PRPS1: variants seen among roughly 807,000 people sequenced by gnomAD.
PRPS1 encodes ribose-phosphate pyrophosphokinase 1.
In PRPS1, 1 loss-of-function variant was observed where a neutral mutation model predicts 16.9. The ratio of observed to expected loss-of-function variants is 0.06; its 90% CI spans 0.02 to 0.28. The LOEUF is 0.28. Ranked by LOEUF, PRPS1 falls within the 10% of genes least tolerant of loss-of-function variation. The pLI is 1.00. For synonymous variants in PRPS1, 70 were observed against 90.2 expected, an observed-to-expected ratio of 0.78 and a Z score of 1.27; for missense variants, 47 against 254.0, an observed-to-expected ratio of 0.19 and a Z score of 5.54.
chrX:107,639,235 G>A lies in PRPS1; in HGVS notation c.123-60G>A, dbSNP rs1440077535. The A allele has an allele frequency of 4.3e-6, 5 of 1,150,524 alleles. No individual in the cohort carries two copies. In the East Asian group the frequency reaches 1.5e-4, roughly 34 times the overall value. The allele number at this position is 1,150,524 out of a possible 1,213,427, so 94.8% of individuals were successfully genotyped here. On this transcript the variant is annotated intron_variant, in intron 1 of 6. Coordinates refer to ENST00000372435, the MANE Select transcript of PRPS1 (RefSeq NM_002764.4). The stretch of plus-strand genomic sequence containing the variant: ...CCATAGATGTGGAACCTATGGATAT[G>A]GAGGGCTGACAGTACAGTGGTTTAA...
Position 107,650,588 on chromosome X carries a change from G to A in PRPS1, c.*556G>A. 3.2e-6 allele frequency: 1 copy of A among 311,589 alleles called. No individual in the cohort carries two copies. The highest frequency in any genetic ancestry group is 5.6e-6 in the Non-Finnish European group (1 of 179,341). The allele number at this position is 311,589 out of a possible 1,213,427, so 25.7% of individuals were successfully genotyped here. On this transcript the variant is annotated 3_prime_UTR_variant, in exon 7 of 7. Coordinates refer to ENST00000372435, the MANE Select transcript of PRPS1 (RefSeq NM_002764.4). ...TGGTTGAGGGGGGAGGCAGCACAGT[G>A]CAGCAAATGTTTCTTGGGAGGAAGA...
intron 1 of PRPS1, 141 bp from the exon 2 acceptor site, chrX:107,639,154 G>A: frequency 1.5e-6 from 1 of 667,544 alleles, no homozygotes; most frequent in Non-Finnish European, 2.4e-6. Context: ...ATCTGTACAT[G>A]TTCAATACAG....
At position 107,635,920 on chromosome X, in the gene PRPS1, C is replaced by T. The variant is rs867315325; in HGVS notation, c.123-3375C>T. 2.3e-4 allele frequency among the ~76,000 whole-genome samples: 25 copies of T among 107,761 alleles called. No homozygotes were observed. In the South Asian group the frequency reaches 3.4e-3, roughly 14 times the overall value. 93.6% of individuals were successfully genotyped at this position (107,761 alleles called of 115,157 possible). A position where few individuals can be genotyped will look rare whatever the true frequency, so the allele number is the denominator to read the frequency against. Reference sequence around the variant, plus strand: ...CTAAAAATACAAAAAATTAGCTGGGCGTGGTGGCGTGCGGCTGTAGTTCCA... The same window carrying T: ...CTAAAAATACAAAAAATTAGCTGGGTGTGGTGGCGTGCGGCTGTAGTTCCA... On this transcript the variant is annotated intron_variant, in intron 1 of 6. Transcript: ENST00000372435.
chrX:107,639,144 A>G, intron 1 of PRPS1, 151 bp from the exon 2 acceptor site: 8 of 582,530 alleles, frequency 1.4e-5, no homozygotes, highest in Non-Finnish European at 2.2e-5. Context: ...AAAGAAAAAA[A>G]TCTGTACATG....
intron 1 of PRPS1, among the ~76,000 whole-genome samples, chrX:107,633,043 T>A (rs746333368): frequency 2.7e-4 from 30 of 112,060 alleles, no homozygotes; most frequent in African/African-American, 3.2e-4. Flanking sequence ...AAGCCCCACA[T>A]TTTTTAAACA....
chrX:107,644,198 T>G (rs921701798), intron 4 of PRPS1, among the ~76,000 whole-genome samples: 1 of 112,460 alleles, frequency 8.9e-6, no homozygotes, highest in Non-Finnish European at 1.9e-5. Flanking sequence ...ATAAGAAAAA[T>G]AAGAATTCTC....
chrX:107,647,691 G>T lies in PRPS1; in HGVS notation c.790G>T (p.Ala264Ser). 8.3e-7 allele frequency: 1 copy of T among 1,210,492 alleles called. No individual in the cohort carries two copies. Among genetic ancestry groups the T allele is most frequent in the Non-Finnish European group, 1.1e-6 (1 of 894,614 alleles). The change falls in exon 6 of 7, where the codon GCA becomes TCA. Residue 264 changes from alanine (A) to serine (S), a missense_variant. Coordinates refer to ENST00000372435, the MANE Select transcript of PRPS1 (RefSeq NM_002764.4). Reference sequence around the variant, plus strand: ...TCCTGCTATTTCTCGCATCAACAACGCATGCTTTGAGGCAGTAGTAGTCAC... The same window carrying T: ...TCCTGCTATTTCTCGCATCAACAACTCATGCTTTGAGGCAGTAGTAGTCAC... ...SGPAISRINN[A>S]CFEAVVVTNT...
At position 107,650,357 on chromosome X, in the gene PRPS1, A is replaced by G; in HGVS notation, c.*325A>G. On this transcript the variant is annotated 3_prime_UTR_variant, in exon 7 of 7. Transcript: ENST00000372435. ...GACTGTGACTGGGGAAGCTCAGACT[A>G]CTTTGTATGTGAATGCTTCAGGGTT... The G allele has an allele frequency of 2.5e-6, 1 of 405,607 alleles. No homozygotes were observed. The highest frequency in any genetic ancestry group is 4.3e-5 in the Admixed American group (1 of 23,366). 33.4% of individuals were successfully genotyped at this position (405,607 alleles called of 1,213,427 possible).
Position 107,640,909 on chromosome X carries a change from C to T in PRPS1, c.314C>T (p.Ala105Val), listed in dbSNP as rs1294618507. 1 of 1,209,710 alleles carries T rather than the reference C, an allele frequency of 8.3e-7. No homozygotes were observed. The highest frequency in any genetic ancestry group is 1.1e-6 in the Non-Finnish European group (1 of 895,157). Reference protein sequence around the residue: ...ARQDKKDKSRAPISAKLVANM... With the variant: ...ARQDKKDKSRVPISAKLVANM... Reference sequence around the variant, plus strand: ...TTCCTCCCCTCCATTTAGAGCCGGGCGCCAATCTCAGCCAAGCTTGTTGCA... The same window carrying T: ...TTCCTCCCCTCCATTTAGAGCCGGGTGCCAATCTCAGCCAAGCTTGTTGCA... Residue 105 changes from alanine to valine, a missense_variant, in exon 3 of 7, where the codon GCG becomes GTG. Ala to Val is a moderately conservative substitution (Grantham distance 64). This residue lies in a region of PRPS1 where 19 missense variants were observed against 155.6 expected (regional missense o/e 0.12). Transcript: ENST00000372435.
rs749779821 is a variant in PRPS1 at position 107,641,104 on chromosome X, A to G, written c.405+104A>G. On this transcript the variant is annotated intron_variant, in intron 3 of 6. Coordinates refer to ENST00000372435, the MANE Select transcript of PRPS1 (RefSeq NM_002764.4). ...AAAATTATGCCCAAGTACATCTGAA[A>G]TAAACTAGATATCAACAACATTTTA... 3 of 1,197,140 alleles carry G rather than the reference A, an allele frequency of 2.5e-6. No homozygotes were observed. The South Asian group carries it at 5.4e-5, about 22-fold the overall frequency.
chrX:107,647,810 G>A (rs1403732935), intron 6 of PRPS1, 45 bp downstream of exon 6: 3 of 1,179,249 alleles, frequency 2.5e-6, no homozygotes, highest in Non-Finnish European at 2.3e-6. Flanking sequence ...TAAGTGTTTA[G>A]GAGGTGGTTA....
intron 5 of PRPS1, among the ~76,000 whole-genome samples, chrX:107,646,907 G>T (rs772073492): frequency 2.0e-4 from 22 of 112,618 alleles, no homozygotes; most frequent in Admixed American, 1.7e-3. Context: ...ATGTGAGGGA[G>T]GCTGGGAAAT....
At chrX:107,639,049 A>G (rs1162898679) in intron 1 of PRPS1, among the ~76,000 whole-genome samples, 1 of 112,569 alleles carries the variant, frequency 8.9e-6, no homozygotes, top group Admixed American at 9.4e-5. Flanking sequence ...CATATACTTT[A>G]AATCATCTCT....
Position 107,650,150 on chromosome X carries a change from C to A in PRPS1, c.*118C>A. 1 of 1,156,982 alleles carries A rather than the reference C, an allele frequency of 8.6e-7. No homozygotes were observed. Among genetic ancestry groups the A allele is most frequent in the East Asian group, 3.1e-5 (1 of 32,445 alleles). On this transcript the variant is annotated 3_prime_UTR_variant, in exon 7 of 7. Coordinates refer to ENST00000372435, the MANE Select transcript of PRPS1 (RefSeq NM_002764.4). ...TGCTCCAGTGTAGCTTTCTACATCC[C>A]ACATCAGGTATATTAGAGCTTATCC...
rs1925520913 is a variant in PRPS1 at position 107,639,307 on chromosome X, T to C, written c.135T>C (p.Gly45=). Residue 45 remains glycine (G), a synonymous_variant, in exon 2 of 7, where the codon GGT becomes GGC. Coordinates refer to ENST00000372435, the MANE Select transcript of PRPS1 (RefSeq NM_002764.4). ...TTCCTCATTGTAGTGTGGAAATTGG[T>C]GAAAGTGTACGTGGAGAGGATGTCT... ...FSNQETCVEI[G]ESVRGEDVYI... is the part of the protein sequence containing the mutation. 4.1e-6 allele frequency: 5 copies of C among 1,209,385 alleles called. No homozygotes were observed. The South Asian group carries it at 8.8e-5, about 21-fold the overall frequency.
chrX:107,629,701 G>A (rs1252025361), intron 1 of PRPS1, among the ~76,000 whole-genome samples: 4 of 112,042 alleles, frequency 3.6e-5, no homozygotes, highest in Non-Finnish European at 3.8e-5. Context: ...AGTAAAACTT[G>A]CTTCCTCGAC....
At chrX:107,647,568 A>G (rs1569439348) in intron 5 of PRPS1, 38 bp from the exon 6 acceptor site, 6 of 1,204,926 alleles carry the variant, frequency 5.0e-6, no homozygotes, top group Non-Finnish European at 6.7e-6. Context: ...CTGCAATGAC[A>G]AGTAAGATGA....
rs755413640 is a variant in PRPS1, at chrX:107,641,112, G to T, written c.405+112G>T. On this transcript the variant is annotated intron_variant, in intron 3 of 6. Transcript: ENST00000372435. ...GCCCAAGTACATCTGAAATAAACTA[G>T]ATATCAACAACATTTTAAATGTGTT... 17 of 1,192,950 alleles carry T rather than the reference G, an allele frequency of 1.4e-5. No homozygotes were observed. The East Asian group carries it at 4.8e-4, about 34-fold the overall frequency.
intron 1 of PRPS1, 94 bp from the exon 2 acceptor site, chrX:107,639,201 T>G: frequency 2.0e-6 from 2 of 1,014,468 alleles, no homozygotes; most frequent in Non-Finnish European, 2.8e-6. Flanking sequence ...AATCCACACT[T>G]GGTTGAATCC....
Sources: allele counts gnomAD v4.1 joint callset (sites outside exome capture counted in the v4.1 genomes callset), GRCh38; gene constraint gnomAD v4.1.1; regional missense constraint gnomAD v4.1.1; transcripts MANE v1.5; gene names NCBI Gene and HGNC (gene_info 2026-07-23, HGNC 2026-07-21).